The following TUSC3 variants were observed in gnomAD, a reference collection of about 807,000 sequenced individuals.
The protein encoded by TUSC3 is dolichyl-diphosphooligosaccharide--protein glycosyltransferase subunit TUSC3.
In TUSC3, 45 loss-of-function variants were observed where a neutral mutation model predicts 44.8. The observed-to-expected ratio is 1.00, with a 90% CI of 0.79 to 1.29. TUSC3 has a LOEUF of 1.29. Ranked by LOEUF, TUSC3 falls within the 50% of genes most tolerant of loss-of-function variation. The probability of loss-of-function intolerance (pLI) is 0.00; values close to 1 mark genes in which losing one functional copy is unlikely to be tolerated. For missense variants in TUSC3, 519 were observed against 437.9 expected (o/e 1.19, Z -1.65); for synonymous variants, 212 against 152.9 (o/e 1.39, Z -2.85).
chr8:15,524,741 A>G (rs1801351182), intron 2 of TUSC3, among the ~76,000 whole-genome samples: 1 of 152,190 alleles, frequency 6.6e-6, no homozygotes. Context: ...AACTCTTTTC[A>G]CTGTCGTTCT....
intron 6 of TUSC3, among the ~76,000 whole-genome samples, chr8:15,729,245 C>G (rs529355338): frequency 3.9e-5 from 6 of 152,248 alleles, no homozygotes; most frequent in Admixed American, 6.5e-5. Context: ...TAACTGTCAA[C>G]ATTTAATTAA....
chr8:15,711,116 G>A (rs1205842489), intron 6 of TUSC3, among the ~76,000 whole-genome samples: 1 of 151,388 alleles, frequency 6.6e-6, no homozygotes, highest in Admixed American at 6.6e-5. Context: ...CGTTTTCTTC[G>A]CTTTCCCTTT....
the TUSC3 span, among the ~76,000 whole-genome samples, chr8:15,851,514 C>G: frequency 6.6e-6 from 1 of 152,136 alleles, no homozygotes; most frequent in African/African-American, 2.4e-5. Context: ...CTGTTATTCT[C>G]ATTTTACAGA....
At chr8:15,672,157 C>T (rs150392188) in intron 5 of TUSC3, among the ~76,000 whole-genome samples, 4 of 152,006 alleles carry the variant, frequency 2.6e-5, no homozygotes, top group South Asian at 2.1e-4. Context: ...CATGCAGTGC[C>T]AGTTAAGGAG....
intron 2 of TUSC3, among the ~76,000 whole-genome samples, chr8:15,491,167 A>G (rs1455053068): frequency 6.6e-6 from 1 of 152,130 alleles, no homozygotes; most frequent in Non-Finnish European, 1.5e-5. Flanking sequence ...AAGCAGTCAG[A>G]CCTGCCTTTG....
At chr8:15,687,400 T>C (rs1425997289) in intron 6 of TUSC3, among the ~76,000 whole-genome samples, 1 of 152,208 alleles carries the variant, frequency 6.6e-6, no homozygotes, top group South Asian at 2.1e-4. Flanking sequence ...CCATGGTCAT[T>C]TTATGGCTGT....
intron 2 of TUSC3, among the ~76,000 whole-genome samples, chr8:15,635,936 C>T (rs1806053608): frequency 6.6e-6 from 1 of 152,130 alleles, no homozygotes; most frequent in African/African-American, 2.4e-5. Flanking sequence ...GACTAGTTCG[C>T]ATGTGTGATT....
At chr8:15,420,778 C>A (rs553390448) in intron 1 of TUSC3, among the ~76,000 whole-genome samples, 1 of 152,238 alleles carries the variant, frequency 6.6e-6, no homozygotes, top group East Asian at 1.9e-4. Context: ...TTCAGTGATG[C>A]ACTTTCTTCA....
At chr8:15,596,698 A>C (rs1804084300) in intron 1 of TUSC3, among the ~76,000 whole-genome samples, 2 of 152,006 alleles carry the variant, frequency 1.3e-5, no homozygotes, top group East Asian at 1.9e-4. Flanking sequence ...ATTTATAAAG[A>C]GGTGTTGAGA....
At chr8:15,718,422 C>T (rs900041524) in intron 6 of TUSC3, among the ~76,000 whole-genome samples, 1 of 152,028 alleles carries the variant, frequency 6.6e-6, no homozygotes, top group African/African-American at 2.4e-5. Flanking sequence ...AGAATATTGA[C>T]ATTTATGTGT....
At chr8:15,650,336 T>C (rs1342084649) in intron 2 of TUSC3, among the ~76,000 whole-genome samples, 1 of 152,224 alleles carries the variant, frequency 6.6e-6, no homozygotes, top group Non-Finnish European at 1.5e-5. Flanking sequence ...TGCTGCAAAA[T>C]GTTTTTATTC....
At chr8:15,568,175 G>T (rs1248497256) in intron 1 of TUSC3, among the ~76,000 whole-genome samples, 1 of 152,116 alleles carries the variant, frequency 6.6e-6, no homozygotes, top group Non-Finnish European at 1.5e-5. Flanking sequence ...GGAAGGATGT[G>T]CTTTTCGTTT....
At chr8:15,599,849 A>G (rs961595765) in intron 1 of TUSC3, among the ~76,000 whole-genome samples, 2 of 151,620 alleles carry the variant, frequency 1.3e-5, no homozygotes, top group Non-Finnish European at 3.0e-5. Flanking sequence ...GAGGTTGGGA[A>G]GTATCCTCCA....
At position 15,622,819 on chromosome 8, in the gene TUSC3, T is replaced by A. The variant is rs11994654; in HGVS notation, c.139-261T>A. ...ACTTTTCTTGAGCCTTCTTTTTTTT[T>A]ATGTCAACCCCCATTGGCATTCTTG... On this transcript the variant is annotated intron_variant, in intron 1 of 10. Transcript: ENST00000503731. Among the ~76,000 whole-genome samples, 51,084 of 151,636 alleles carry A rather than the reference T, an allele frequency of 0.34. 8,788 individuals carry two copies. Among genetic ancestry groups the A allele is most frequent in the East Asian group, 0.45 (2,320 of 5,144 alleles).
rs1039553554 is a variant in TUSC3, at chr8:15,480,236, C to T, written n.92-3150C>T. 1.1e-4 allele frequency among the ~76,000 whole-genome samples: 17 copies of T among 152,316 alleles called. No homozygotes were observed. In the East Asian group the frequency reaches 1.9e-3, roughly 17 times the overall value. On this transcript the variant is annotated intron_variant and non_coding_transcript_variant, in intron 1 of 5. Coordinates refer to the TUSC3 transcript ENST00000503191. ...GCTCAAGGATAGGAAGAATCAACAA[C>T]ATAAAAATGCCCATATTGCCCAAAG...
At position 15,738,821 on chromosome 8, in the gene TUSC3, A is replaced by ATCTTTCTTTTTTTTT. The variant is rs1412644496; in HGVS notation, c.863-4713_863-4712insTCTTTTTTTTTTCTT. The stretch of plus-strand genomic sequence containing the variant: ...ATGGTGACAAAATTACTATTAATAT[A>ATCTTTCTTTTTTTTT]TCTTGCTTTTTTTTTTTTTTTTTTT... On this transcript the variant is annotated intron_variant, in intron 7 of 10. Transcript: ENST00000503731. Among the ~76,000 whole-genome samples the ATCTTTCTTTTTTTTT allele has an allele frequency of 2.3e-3, 214 of 93,352 alleles. 7 individuals carry two copies. Among genetic ancestry groups the ATCTTTCTTTTTTTTT allele is most frequent in the East Asian group, 3.8e-3 (10 of 2,630 alleles). 61.2% of individuals were successfully genotyped at this position (93,352 alleles called of 152,430 possible).
At chr8:15,846,938 G>C in the TUSC3 span, among the ~76,000 whole-genome samples, 2 of 151,468 alleles carry the variant, frequency 1.3e-5, no homozygotes, top group Admixed American at 6.6e-5. Context: ...TTCATAATAG[G>C]TGTTTCTTGT....
rs145854247 is a variant in TUSC3 at position 15,606,738 on chromosome 8, G to T, written c.139-16342G>T. Among the ~76,000 whole-genome samples, 100 of 152,094 alleles carry T rather than the reference G, an allele frequency of 6.6e-4. 2 individuals are homozygous for T. In the East Asian group the frequency reaches 0.018, roughly 28 times the overall value. ...TTATATTTACGTGTGTACTTTGTCT[G>T]ATTATTTCTTTAGGATAAATTCCTA... On this transcript the variant is annotated intron_variant, in intron 1 of 10. Coordinates refer to ENST00000503731, the MANE Select transcript of TUSC3 (RefSeq NM_006765.4).
At chr8:15,446,733 AGAGGGGGAGG>A (rs1800108761) in intron 1 of TUSC3, among the ~76,000 whole-genome samples, 1 of 73,616 alleles carries the variant, frequency 1.4e-5, no homozygotes, top group Non-Finnish European at 2.4e-5. Flanking sequence ...GGGAGACAGG[AGAGGGGGAGG>A]GAGGGGGGAG....
Sources: gnomAD v4.1 joint callset for allele counts (sites outside exome capture counted in the v4.1 genomes callset) on GRCh38, gnomAD v4.1.1 for gene constraint, MANE v1.5 for transcripts, NCBI Gene and HGNC (gene_info 2026-07-23, HGNC 2026-07-21) for gene names.